ZC3H12B: variants seen among roughly 807,000 people sequenced by gnomAD.
ZC3H12B encodes probable ribonuclease ZC3H12B.
Under a neutral mutation model 43.9 loss-of-function variants are expected in ZC3H12B, and 7 were observed. The ratio of observed to expected loss-of-function variants is 0.16; its 90% CI spans 0.09 to 0.30. The LOEUF (loss-of-function observed/expected upper bound fraction) is 0.30, where lower values mean the gene tolerates loss of function less well. ZC3H12B is among the 10% of genes least tolerant of loss of function. The pLI, the probability that ZC3H12B is intolerant of heterozygous loss-of-function variation, is 1.00. For synonymous variants in ZC3H12B, 222 were observed against 241.7 expected, an observed-to-expected ratio of 0.92 and a Z score of 0.76; for missense variants, 475 against 670.2, an observed-to-expected ratio of 0.71 and a Z score of 3.22.
the ZC3H12B span, among the ~76,000 whole-genome samples, chrX:65,132,377 C>A: frequency 3.6e-5 from 4 of 110,620 alleles, no homozygotes; most frequent in Non-Finnish European, 1.9e-5. Context: ...CCCTTAAAGC[C>A]TGTTGTGGGA....
At chrX:65,115,887 C>CT in the ZC3H12B span, among the ~76,000 whole-genome samples, 53 of 111,141 alleles carry the variant, frequency 4.8e-4, no homozygotes, top group Admixed American at 1.2e-3. Context: ...CCTTTCCTTA[C>CT]TTTTTTGATG....
At chrX:65,288,976 A>G in the ZC3H12B span, among the ~76,000 whole-genome samples, 1 of 111,421 alleles carries the variant, frequency 9.0e-6, no homozygotes, top group African/African-American at 3.3e-5. Context: ...AATGAAGAAG[A>G]CAATCCCATT....
chrX:65,492,096 C>A (rs60982080), intron 1 of ZC3H12B, among the ~76,000 whole-genome samples: 1 of 110,663 alleles, frequency 9.0e-6, no homozygotes, highest in Non-Finnish European at 1.9e-5. Flanking sequence ...CACCCTAGAT[C>A]GGACCTGATT....
chrX:65,341,125 C>T, the ZC3H12B span, among the ~76,000 whole-genome samples: 1 of 111,477 alleles, frequency 9.0e-6, no homozygotes, highest in African/African-American at 3.3e-5. Flanking sequence ...TGAAGACTGG[C>T]TTTCTGAAAT....
chrX:65,169,365 G>T, the ZC3H12B span, among the ~76,000 whole-genome samples: 1 of 111,878 alleles, frequency 8.9e-6, no homozygotes, highest in Non-Finnish European at 1.9e-5. Flanking sequence ...TCTTAATCCT[G>T]AGTTCTAGTT....
intron 2 of ZC3H12B, among the ~76,000 whole-genome samples, chrX:65,387,696 G>T (rs759094153): frequency 6.1e-4 from 68 of 111,910 alleles, no homozygotes; most frequent in African/African-American, 2.1e-3. Flanking sequence ...ATGTTAGCTG[G>T]TTATTTTGCT....
the ZC3H12B span, among the ~76,000 whole-genome samples, chrX:65,106,470 T>A: frequency 9.0e-6 from 1 of 111,564 alleles, no homozygotes. Context: ...AGAGGATGGA[T>A]TTGAAGAAGA....
At chrX:65,112,683 C>G in the ZC3H12B span, among the ~76,000 whole-genome samples, 1 of 111,847 alleles carries the variant, frequency 8.9e-6, no homozygotes, top group Non-Finnish European at 1.9e-5. Context: ...GCATGGTGTA[C>G]TGAATATTTT....
chrX:65,185,771 T>A, the ZC3H12B span: 1 of 111,288 alleles, frequency 9.0e-6, no homozygotes, highest in Non-Finnish European at 1.9e-5. Flanking sequence ...ACAACAAAGA[T>A]GACATATCAG....
intron 3 of ZC3H12B, among the ~76,000 whole-genome samples, chrX:65,458,114 G>A (rs1362688237): frequency 1.1e-5 from 1 of 87,677 alleles, no homozygotes; most frequent in Non-Finnish European, 2.2e-5. Flanking sequence ...GACAAAGAAG[G>A]CCATTACATA....
the ZC3H12B span, among the ~76,000 whole-genome samples, chrX:65,275,847 A>G: frequency 6.2e-5 from 7 of 112,237 alleles, no homozygotes; most frequent in African/African-American, 2.3e-4. Flanking sequence ...GACTCCAATC[A>G]TTGGAAAATA....
At chrX:65,389,053 G>A (rs778960496) in intron 2 of ZC3H12B, among the ~76,000 whole-genome samples, 2 of 112,193 alleles carry the variant, frequency 1.8e-5, no homozygotes, top group African/African-American at 6.5e-5. Flanking sequence ...CCCTACTGGG[G>A]TGTGCCTCCC....
the ZC3H12B span, among the ~76,000 whole-genome samples, chrX:65,229,470 A>G: frequency 9.2e-6 from 1 of 108,838 alleles, no homozygotes; most frequent in South Asian, 4.1e-4. Flanking sequence ...GGACATAGGC[A>G]TGGGCAAGGA....
At chrX:65,269,551 G>T in the ZC3H12B span, among the ~76,000 whole-genome samples, 9,152 of 110,283 alleles carry the variant, frequency 0.083, 1,026 homozygotes, top group African/African-American at 0.29. Flanking sequence ...TCAGGCTGGA[G>T]TGCAGTGATG....
chrX:65,101,103 G>T, the ZC3H12B span, among the ~76,000 whole-genome samples: 2 of 111,794 alleles, frequency 1.8e-5, no homozygotes, highest in Admixed American at 9.5e-5. Context: ...ACTCAAAATG[G>T]CACATCTACA....
chrX:65,036,643 G>A, the ZC3H12B span, among the ~76,000 whole-genome samples: 1 of 111,289 alleles, frequency 9.0e-6, no homozygotes, highest in Non-Finnish European at 1.9e-5. Flanking sequence ...TAACCTCAGA[G>A]AGTATTGTTT....
intron 2 of ZC3H12B, among the ~76,000 whole-genome samples, chrX:65,386,081 A>G (rs916887761): frequency 8.9e-6 from 1 of 112,204 alleles, no homozygotes; most frequent in Non-Finnish European, 1.9e-5. Flanking sequence ...ATTGATATTC[A>G]TCAGGGGTAT....
At chrX:65,478,637 G>A (rs60431004) in intron 3 of ZC3H12B, among the ~76,000 whole-genome samples, 14,972 of 111,834 alleles carry the variant, frequency 0.13, 2,379 homozygotes, top group African/African-American at 0.45. Flanking sequence ...TAACTGCCTT[G>A]AACCAGTAAG....
At chrX:65,313,626 G>A in the ZC3H12B span, among the ~76,000 whole-genome samples, 5 of 112,551 alleles carry the variant, frequency 4.4e-5, no homozygotes, top group Non-Finnish European at 9.4e-5. Flanking sequence ...ATTTTAACAA[G>A]CACAGAAAGT....
Sources: gnomAD v4.1 joint callset for allele counts (sites outside exome capture counted in the v4.1 genomes callset) on GRCh38, gnomAD v4.1.1 for gene constraint, MANE v1.5 for transcripts, NCBI Gene and HGNC (gene_info 2026-07-23, HGNC 2026-07-21) for gene names.